Variants in PPM1L observed in about 807,000 individuals in gnomAD.
PPM1L encodes the protein protein phosphatase, Mg2+/Mn2+ dependent 1L.
Under a neutral mutation model 31.4 loss-of-function variants are expected in PPM1L, and 13 were observed. That is an observed-to-expected ratio of 0.41 (90% CI 0.27 to 0.66). The LOEUF (loss-of-function observed/expected upper bound fraction) is 0.66, where lower values mean the gene tolerates loss of function less well. PPM1L is among the 30% of genes least tolerant of loss of function. The pLI, the probability that PPM1L is intolerant of heterozygous loss-of-function variation, is 0.29. For synonymous variants in PPM1L, 184 were observed against 175.4 expected (o/e 1.05, Z -0.39); for missense variants, 326 against 453.7 (o/e 0.72, Z 2.56).
chr3:160,826,718 T>A (rs1194039101), intron 1 of PPM1L, among the ~76,000 whole-genome samples: 1 of 152,196 alleles, frequency 6.6e-6, no homozygotes. Flanking sequence ...AAAGAAAATG[T>A]ACATTTACAA....
chr3:160,859,144 C>A (rs1711812679), intron 1 of PPM1L, among the ~76,000 whole-genome samples: 1 of 152,116 alleles, frequency 6.6e-6, no homozygotes, highest in African/African-American at 2.4e-5. Flanking sequence ...GGGCAATCTG[C>A]ACATGGAGGT....
rs1197503841 is a variant in PPM1L at position 161,002,204 on chromosome 3, A to G, written c.574+40294A>G. On this transcript the variant is annotated intron_variant, in intron 2 of 3. Coordinates refer to ENST00000498165, the MANE Select transcript of PPM1L (RefSeq NM_139245.4). ...ATGGCCGCATAGTATTCCATGGTGTATATGTGCCACATTTTCTTAATCCAG... is the reference window on the plus strand; with the variant it reads ...ATGGCCGCATAGTATTCCATGGTGTGTATGTGCCACATTTTCTTAATCCAG... 7.9e-5 allele frequency among the ~76,000 whole-genome samples: 12 copies of G among 152,324 alleles called. No individual in the cohort carries two copies. In the East Asian group the frequency reaches 2.3e-3, roughly 29 times the overall value.
chr3:161,023,167 C>G (rs563900543), intron 2 of PPM1L, among the ~76,000 whole-genome samples: 109 of 144,796 alleles, frequency 7.5e-4, no homozygotes, highest in African/African-American at 2.7e-3. Flanking sequence ...GATTCTCTTT[C>G]AGTCTTTGGC....
intron 1 of PPM1L, among the ~76,000 whole-genome samples, chr3:160,857,450 G>A (rs1180336329): frequency 6.6e-6 from 1 of 152,158 alleles, no homozygotes; most frequent in Non-Finnish European, 1.5e-5. Flanking sequence ...TTGTGACTAG[G>A]AGCTGTAAGT....
chr3:160,871,973 A>G (rs1444848751), intron 1 of PPM1L, among the ~76,000 whole-genome samples: 1 of 152,090 alleles, frequency 6.6e-6, no homozygotes, highest in Admixed American at 6.5e-5. Context: ...TCCAGCAGTC[A>G]TTGAACACTA....
chr3:160,949,048 G>C (rs1439405355), intron 1 of PPM1L, among the ~76,000 whole-genome samples: 1 of 152,080 alleles, frequency 6.6e-6, no homozygotes, highest in African/African-American at 2.4e-5. Flanking sequence ...TATGGAGCAG[G>C]CCCCATGAAT....
intron 1 of PPM1L, among the ~76,000 whole-genome samples, chr3:160,849,275 A>G (rs541671504): frequency 6.6e-6 from 1 of 152,208 alleles, no homozygotes; most frequent in South Asian, 2.1e-4. Flanking sequence ...ACCTAGAATG[A>G]CTTGGGTCTT....
chr3:160,966,204 A>G (rs556186087), intron 2 of PPM1L, among the ~76,000 whole-genome samples: 2 of 152,216 alleles, frequency 1.3e-5, no homozygotes, highest in East Asian at 3.9e-4. Context: ...TTTATTTTAT[A>G]TAGTTCTGAC....
intron 1 of PPM1L, among the ~76,000 whole-genome samples, chr3:160,826,702 TC>T (rs1259312973): frequency 6.6e-6 from 1 of 152,148 alleles, no homozygotes; most frequent in East Asian, 1.9e-4. Context: ...AAAAGTACTA[TC>T]TTTAAAAGAA....
At chr3:160,800,122 T>C (rs1429356032) in intron 1 of PPM1L, among the ~76,000 whole-genome samples, 4 of 152,218 alleles carry the variant, frequency 2.6e-5, no homozygotes, top group Non-Finnish European at 5.9e-5. Flanking sequence ...TAAAAACAGC[T>C]AAATTGTTTA....
intron 1 of PPM1L, among the ~76,000 whole-genome samples, chr3:160,760,355 C>A (rs1414988026): frequency 1.3e-5 from 2 of 152,164 alleles, no homozygotes; most frequent in Non-Finnish European, 2.9e-5. Context: ...ACTGTGAATT[C>A]TTCGGCAAAG....
chr3:160,870,382 G>A (rs1008006383), intron 1 of PPM1L, among the ~76,000 whole-genome samples: 32 of 152,156 alleles, frequency 2.1e-4, no homozygotes, highest in African/African-American at 7.2e-4. Context: ...AGAACTAGCC[G>A]AATGGTTCAA....
intron 2 of PPM1L, among the ~76,000 whole-genome samples, chr3:160,970,377 C>T (rs1028386721): frequency 1.3e-5 from 2 of 151,194 alleles, no homozygotes; most frequent in Non-Finnish European, 2.9e-5. Flanking sequence ...TTATTTCTGG[C>T]GATAATATTA....
intron 1 of PPM1L, among the ~76,000 whole-genome samples, chr3:160,879,150 T>A (rs1005699916): frequency 2.6e-5 from 4 of 152,142 alleles, no homozygotes; most frequent in African/African-American, 9.7e-5. Flanking sequence ...GCCACAGGGG[T>A]AACTAAGAAA....
At chr3:161,003,641 G>T (rs1228879433) in intron 2 of PPM1L, among the ~76,000 whole-genome samples, 2 of 152,094 alleles carry the variant, frequency 1.3e-5, no homozygotes, top group Non-Finnish European at 2.9e-5. Context: ...TTCTCTGTTT[G>T]TCTGTTGTTG....
At chr3:160,976,269 G>T (rs1045586345) in intron 2 of PPM1L, among the ~76,000 whole-genome samples, 2 of 147,708 alleles carry the variant, frequency 1.4e-5, no homozygotes, top group African/African-American at 5.1e-5. Flanking sequence ...CACTGGATTC[G>T]GTTTGCCAGT....
intron 1 of PPM1L, among the ~76,000 whole-genome samples, chr3:160,923,949 C>G (rs1714503614): frequency 6.6e-6 from 1 of 152,186 alleles, no homozygotes. Flanking sequence ...TGTCTATTAT[C>G]TGCTATTTTT....
intron 1 of PPM1L, among the ~76,000 whole-genome samples, chr3:160,893,829 A>G (rs1713236553): frequency 6.6e-6 from 1 of 152,188 alleles, no homozygotes; most frequent in Non-Finnish European, 1.5e-5. Flanking sequence ...TAATTTTTCT[A>G]CTTTGTGGTG....
chr3:161,059,774 G>T (rs1719517320), intron 2 of PPM1L, among the ~76,000 whole-genome samples: 1 of 151,970 alleles, frequency 6.6e-6, no homozygotes, highest in Non-Finnish European at 1.5e-5. Context: ...GTCCTTCTTG[G>T]TGCTGTTCTT....
Sources: allele counts gnomAD v4.1 joint callset (sites outside exome capture counted in the v4.1 genomes callset), GRCh38; gene constraint gnomAD v4.1.1; transcripts MANE v1.5; gene names NCBI Gene and HGNC (gene_info 2026-07-23, HGNC 2026-07-21).